PCNX2: variants seen among roughly 807,000 people sequenced by gnomAD.
PCNX2 encodes pecanex-like protein 2.
A neutral mutation model predicts 223.8 loss-of-function variants in PCNX2; 168 were observed. That is an observed-to-expected ratio of 0.75 (90% CI 0.66 to 0.85). The LOEUF (loss-of-function observed/expected upper bound fraction) is 0.85, where lower values mean the gene tolerates loss of function less well. PCNX2 is among the 40% of genes least tolerant of loss of function. The pLI is 0.00. For synonymous variants in PCNX2, 1,006 were observed against 1,052.6 expected (o/e 0.96, Z 0.86); for missense variants, 2,507 against 2,675.5 (o/e 0.94, Z 1.39).
intron 15 of PCNX2, among the ~76,000 whole-genome samples, chr1:233,196,810 T>C (rs1023833038): frequency 2.6e-5 from 4 of 152,138 alleles, no homozygotes; most frequent in African/African-American, 9.7e-5. Context: ...TCTTATAAAG[T>C]TAAATAAAAA....
At chr1:233,272,832 A>C (rs1456287199) in intron 1 of PCNX2, among the ~76,000 whole-genome samples, 2 of 152,234 alleles carry the variant, frequency 1.3e-5, no homozygotes, top group African/African-American at 2.4e-5. Context: ...GGAATGAAAT[A>C]ATTGCATTCA....
the PCNX2 span, among the ~76,000 whole-genome samples, chr1:233,301,100 T>C: frequency 2.0e-5 from 3 of 152,326 alleles, no homozygotes; most frequent in Non-Finnish European, 2.9e-5. Context: ...CTAATCCTCA[T>C]ATATGTAGAC....
At chr1:233,236,763 T>C in intron 9 of PCNX2, 82 bp downstream of exon 9, 1 of 1,557,826 alleles carries the variant, frequency 6.4e-7, no homozygotes, top group Non-Finnish European at 8.7e-7. Context: ...ACTAATCCTG[T>C]CAAGTAATCC....
At chr1:233,259,585 G>A (rs532194060) in intron 4 of PCNX2, among the ~76,000 whole-genome samples, 1 of 152,204 alleles carries the variant, frequency 6.6e-6, no homozygotes, top group East Asian at 1.9e-4. Context: ...TTTCAGCCCT[G>A]CATGCATTAG....
intron 19 of PCNX2, among the ~76,000 whole-genome samples, chr1:233,150,930 C>T (rs569907081): frequency 9.7e-4 from 147 of 152,146 alleles, no homozygotes; most frequent in African/African-American, 3.5e-3. Flanking sequence ...CCACTTGTAC[C>T]TTTTTCACAT....
intron 21 of PCNX2, among the ~76,000 whole-genome samples, chr1:233,132,214 C>T (rs1019178774): frequency 2.4e-4 from 36 of 152,236 alleles, no homozygotes; most frequent in African/African-American, 1.7e-4. Flanking sequence ...CTACCCTCCT[C>T]GGCATCCCAA....
At chr1:233,132,534 C>T (rs565758413) in intron 21 of PCNX2, among the ~76,000 whole-genome samples, 3 of 152,292 alleles carry the variant, frequency 2.0e-5, no homozygotes, top group Admixed American at 1.3e-4. Context: ...TTAGAAGCCA[C>T]GCCTAGGACT....
chr1:233,172,422 T>C (rs532755649), intron 17 of PCNX2: 1 of 985,454 alleles, frequency 1.0e-6, no homozygotes, highest in South Asian at 4.7e-5. Flanking sequence ...TGCAAATCCA[T>C]GCAAACTTAT....
chr1:233,022,552 G>T (rs998510967), intron 26 of PCNX2, among the ~76,000 whole-genome samples: 3 of 152,050 alleles, frequency 2.0e-5, no homozygotes, highest in Admixed American at 2.0e-4. Context: ...AAGCATGTGG[G>T]GCAGGGAGCA....
intron 21 of PCNX2, among the ~76,000 whole-genome samples, chr1:233,115,607 G>GA (rs948404706): frequency 2.6e-4 from 40 of 152,198 alleles, no homozygotes; most frequent in African/African-American, 9.4e-4. Context: ...CAAAAGGCAG[G>GA]AAAAAATGTA....
At chr1:233,298,540 A>G (rs1662207228), upstream of PCNX2, among the ~76,000 whole-genome samples, 1 of 152,192 alleles carries the variant, frequency 6.6e-6, no homozygotes. Flanking sequence ...ATCTAAATGC[A>G]GGTGCAATGG....
At chr1:233,302,477 A>G in the PCNX2 span, among the ~76,000 whole-genome samples, 1 of 152,054 alleles carries the variant, frequency 6.6e-6, no homozygotes, top group Non-Finnish European at 1.5e-5. Context: ...AGTCTTCTCA[A>G]AGAAAAAATT....
intron 17 of PCNX2, among the ~76,000 whole-genome samples, chr1:233,163,707 C>A (rs1007983336): frequency 6.6e-6 from 1 of 151,990 alleles, no homozygotes; most frequent in African/African-American, 2.4e-5. Context: ...CCTTTCCTCA[C>A]TATAGCCTTG....
chr1:233,210,216 T>C (rs933945575), intron 12 of PCNX2, among the ~76,000 whole-genome samples: 1 of 152,152 alleles, frequency 6.6e-6, no homozygotes, highest in Admixed American at 6.5e-5. Context: ...CTTTACCACA[T>C]TTTCCCATTC....
Position 233,295,689 on chromosome 1 carries a change from G to T in PCNX2, c.-211C>A. On this transcript the variant is annotated 5_prime_UTR_variant, in exon 1 of 34. Transcript: ENST00000258229. The surrounding 1 kb of genome is among the most constrained non-coding windows in gnomAD (Gnocchi z 4.1). ...GCGAACCGCGGCGCCGGAGCCGGCTGCTGCGGCCGGGCAGGTGAGCGCCAT... is the reference window on the plus strand; with the variant it reads ...GCGAACCGCGGCGCCGGAGCCGGCTTCTGCGGCCGGGCAGGTGAGCGCCAT... 4.3e-6 allele frequency: 2 copies of T among 462,316 alleles called. No homozygotes were observed. Among genetic ancestry groups the T allele is most frequent in the African/African-American group, 2.1e-5 (1 of 48,762 alleles). The allele number at this position is 462,316 out of a possible 1,614,324, so 28.6% of individuals were successfully genotyped here. A position where few individuals can be genotyped will look rare whatever the true frequency, so the allele number is the denominator to read the frequency against.
chr1:233,238,368 A>G (rs1279363999), intron 8 of PCNX2, among the ~76,000 whole-genome samples: 5 of 152,108 alleles, frequency 3.3e-5, no homozygotes, highest in Non-Finnish European at 7.3e-5. Flanking sequence ...AAACACACCA[A>G]TAGTTATTCT....
chr1:233,016,471 C>T (rs888693724), intron 27 of PCNX2, among the ~76,000 whole-genome samples: 4 of 152,086 alleles, frequency 2.6e-5, no homozygotes, highest in Admixed American at 6.6e-5. Flanking sequence ...TCAGCACATA[C>T]GCAATAACAG....
chr1:233,052,804 C>T (rs1311326228), intron 25 of PCNX2, among the ~76,000 whole-genome samples: 1 of 152,100 alleles, frequency 6.6e-6, no homozygotes, highest in Non-Finnish European at 1.5e-5. Flanking sequence ...TGAATGCCTC[C>T]ACCACCAGAC....
chr1:233,020,778 A>G (rs1230452914), intron 26 of PCNX2, among the ~76,000 whole-genome samples: 1 of 152,226 alleles, frequency 6.6e-6, no homozygotes, highest in African/African-American at 2.4e-5. Context: ...TGGAGGAGAC[A>G]CGAGGGAAAA....
Sources: allele counts gnomAD v4.1 joint callset (sites outside exome capture counted in the v4.1 genomes callset), GRCh38; gene constraint gnomAD v4.1.1; non-coding constraint Gnocchi (gnomAD v3.1); transcripts MANE v1.5; gene names NCBI Gene and HGNC (gene_info 2026-07-23, HGNC 2026-07-21).